The following BRWD1 variants were observed in gnomAD, a reference collection of about 807,000 sequenced individuals.
BRWD1 encodes bromodomain and WD repeat-containing protein 1.
In BRWD1, 82 loss-of-function variants were observed where a neutral mutation model predicts 251.2. The observed-to-expected ratio is 0.33, with a 90% CI of 0.27 to 0.39. The LOEUF (loss-of-function observed/expected upper bound fraction) is 0.39. Among genes scored for constraint, BRWD1 ranks in the 10% least tolerant of loss-of-function variants. BRWD1 has a pLI of 1.00. For synonymous variants in BRWD1, 918 were observed against 902.8 expected (o/e 1.02, Z -0.30); for missense variants, 2,233 against 2,711.6 (o/e 0.82, Z 3.92).
At chr21:39,249,649 C>T (rs2034323819) in intron 20 of BRWD1, among the ~76,000 whole-genome samples, 1 of 152,072 alleles carries the variant, frequency 6.6e-6, no homozygotes, top group Non-Finnish European at 1.5e-5. Flanking sequence ...CTAATGAGCA[C>T]TGGTCAGTTT....
chr21:39,232,995 A>G (rs1224669067), intron 23 of BRWD1, among the ~76,000 whole-genome samples: 1 of 152,152 alleles, frequency 6.6e-6, no homozygotes, highest in African/African-American at 2.4e-5. Context: ...CACTTCTACC[A>G]AATATAATAA....
chr21:39,201,840 T>C (rs571884375), intron 38 of BRWD1, among the ~76,000 whole-genome samples: 1 of 152,362 alleles, frequency 6.6e-6, no homozygotes, highest in South Asian at 2.1e-4. Flanking sequence ...ATTATAACAG[T>C]AAATAGTATG....
Position 39,236,755 on chromosome 21 carries a change from G to C in BRWD1, c.2606C>G (p.Thr869Arg). 6.2e-7 allele frequency: 1 copy of C among 1,613,934 alleles called. No homozygotes were observed. The highest frequency in any genetic ancestry group is 8.5e-7 in the Non-Finnish European group (1 of 1,179,950). The change falls in exon 23 of 41, where the codon ACA (threonine) becomes AGA (arginine). Residue 869 changes from threonine to arginine, a missense_variant. Transcript: ENST00000342449. ...SDSSSRYSDW[T>R]ADAGINLQPP... ...CTGCAAATTGATGCCCGCATCAGCT[G>C]TCCAATCGGAATATCTAGATGAAGA...
At chr21:39,241,577 C>T (rs182798893) in intron 21 of BRWD1, among the ~76,000 whole-genome samples, 2 of 132,338 alleles carry the variant, frequency 1.5e-5, no homozygotes, top group African/African-American at 5.6e-5. Context: ...GAAGTACAAA[C>T]GGGTATCATT....
chr21:39,192,462 G>T lies in BRWD1; in HGVS notation c.*3797C>A, dbSNP rs1167166599. The stretch of plus-strand genomic sequence containing the variant: ...GGGGTTTCTGCTTTATTATTTCCTT[G>T]ATATCCACAGCAGAAATTCAGAGGT... On this transcript the variant is annotated 3_prime_UTR_variant, in exon 41 of 41. Transcript: ENST00000342449. 1.0e-6 allele frequency: 1 copy of T among 984,946 alleles called. No individual in the cohort carries two copies. The highest frequency in any genetic ancestry group is 4.7e-5 in the South Asian group (1 of 21,282). 61.0% of individuals were successfully genotyped at this position (984,946 alleles called of 1,614,324 possible).
intron 8 of BRWD1, among the ~76,000 whole-genome samples, chr21:39,292,941 G>A (rs1675958700): frequency 6.6e-6 from 1 of 151,976 alleles, no homozygotes; most frequent in South Asian, 2.1e-4. Flanking sequence ...TTTTTAAAAA[G>A]GAATCTTTTC....
intron 21 of BRWD1, among the ~76,000 whole-genome samples, chr21:39,242,372 T>C (rs8133146): frequency 0.3 from 45,734 of 152,146 alleles, 7,352 homozygotes; most frequent in Middle Eastern, 0.35. Context: ...CTCTCTTTAA[T>C]TCTATGAAGG....
chr21:39,221,269 T>G (rs1349244978), intron 29 of BRWD1, among the ~76,000 whole-genome samples: 2 of 152,146 alleles, frequency 1.3e-5, no homozygotes, highest in East Asian at 3.9e-4. Flanking sequence ...GTCTATTTAG[T>G]GCCTAACTTG....
At chr21:39,313,336 G>T (rs1467173648) in intron 1 of BRWD1, 37 bp from the exon 2 acceptor site, 1 of 1,512,560 alleles carries the variant, frequency 6.6e-7, no homozygotes, top group African/African-American at 1.4e-5. Context: ...AGCCCCGGCG[G>T]GGAGGGGAGG....
intron 7 of BRWD1, among the ~76,000 whole-genome samples, chr21:39,295,175 GTTTTTTTT>G (rs869129436): frequency 3.6e-4 from 23 of 64,730 alleles, no homozygotes; most frequent in East Asian, 6.8e-4. Flanking sequence ...GTATGTCTAT[GTTTTTTTT>G]TTTTTTTTTT....
intron 32 of BRWD1, 47 bp from the exon 33 acceptor site, chr21:39,213,600 G>A (rs1444348587): frequency 2.3e-5 from 30 of 1,280,152 alleles, no homozygotes; most frequent in Non-Finnish European, 3.2e-5. Context: ...GTAGTGACTT[G>A]TTGGCAAGGA....
intron 21 of BRWD1, among the ~76,000 whole-genome samples, chr21:39,241,473 TAAAAAAAAAAAAAAAAAAAAAAAAAAAAA>T (rs61488970): frequency 1.1e-4 from 5 of 44,920 alleles, no homozygotes; most frequent in South Asian, 3.4e-3. Flanking sequence ...ATCTCCAAAG[TAAAAAAAAAAAAAAAAAAAAAAAAAAAAA>T]AAAAAAAAAA....
At chr21:39,229,568 T>C in intron 25 of BRWD1, 132 bp from the exon 26 acceptor site, 3 of 785,594 alleles carry the variant, frequency 3.8e-6, no homozygotes. Flanking sequence ...ATTAATACCA[T>C]TAATTACATT....
At chr21:39,236,452 G>A (rs906309498) in intron 23 of BRWD1, 143 bp downstream of exon 23, 18 of 725,328 alleles carry the variant, frequency 2.5e-5, no homozygotes, top group East Asian at 1.4e-4. Context: ...CTGACAGCTC[G>A]CCCAGACCAG....
Position 39,215,308 on chromosome 21 carries a change from T to C in BRWD1, c.3714A>G (p.Thr1238=). The change falls in exon 32 of 41, where the codon ACA becomes ACG. Residue 1238 remains threonine (T), a synonymous_variant. Coordinates refer to ENST00000342449, the MANE Select transcript of BRWD1 (RefSeq NM_033656.4). ...EVRYIEHNAR[T]FNEPESVIAR... ...CAATTACACTCTCAGGTTCGTTAAA[T>C]GTTCTGGCATTATGTTCTATATATC... The C allele has an allele frequency of 1.2e-6, 2 of 1,613,466 alleles. No homozygotes were observed. The highest frequency in any genetic ancestry group is 1.1e-5 in the South Asian group (1 of 91,074).
At position 39,192,619 on chromosome 21, in the gene BRWD1, A is replaced by AC; in HGVS notation, c.*3639_*3640insG. On this transcript the variant is annotated 3_prime_UTR_variant, in exon 41 of 41. Transcript: ENST00000342449. ...TTTGGTGACAACTGCAAGATACCTG[A>AC]TAAATAAATATATCAACTTACTATT... The AC allele has an allele frequency of 1.0e-6, 1 of 984,230 alleles. No individual in the cohort carries two copies. The highest frequency in any genetic ancestry group is 1.1e-4 in the East Asian group (1 of 8,810). 61.0% of individuals were successfully genotyped at this position (984,230 alleles called of 1,614,324 possible).
At chr21:39,204,612 C>T (rs528609402) in intron 37 of BRWD1, among the ~76,000 whole-genome samples, 4 of 152,280 alleles carry the variant, frequency 2.6e-5, no homozygotes, top group South Asian at 2.1e-4. Context: ...AAAGACCATA[C>T]ATAAAAATCA....
chr21:39,292,409 T>C (rs146925476), intron 8 of BRWD1, among the ~76,000 whole-genome samples: 3 of 152,288 alleles, frequency 2.0e-5, no homozygotes, highest in Non-Finnish European at 4.4e-5. Flanking sequence ...GCAATGATCA[T>C]CAGTGAGTAA....
intron 21 of BRWD1, among the ~76,000 whole-genome samples, chr21:39,242,498 C>A (rs1248769839): frequency 6.6e-6 from 1 of 152,176 alleles, no homozygotes; most frequent in East Asian, 1.9e-4. Flanking sequence ...GCAGCAAGTG[C>A]TTTAATGGAG....
Sources: allele counts gnomAD v4.1 joint callset (sites outside exome capture counted in the v4.1 genomes callset), GRCh38; gene constraint gnomAD v4.1.1; transcripts MANE v1.5; gene names NCBI Gene and HGNC (gene_info 2026-07-23, HGNC 2026-07-21).